The following FER variants were observed in gnomAD, a reference collection of about 807,000 sequenced individuals.
FER encodes the protein tyrosine-protein kinase Fer.
Under a neutral mutation model 111.0 loss-of-function variants are expected in FER, and 63 were observed. That is an observed-to-expected ratio of 0.57 (90% CI 0.46 to 0.70). FER has a LOEUF of 0.70. FER is among the 30% of genes least tolerant of loss of function. The pLI, the probability that FER is intolerant of heterozygous loss-of-function variation, is 0.00. For synonymous variants in FER, 327 were observed against 313.9 expected (o/e 1.04, Z -0.44); for missense variants, 914 against 954.0 (o/e 0.96, Z 0.55).
At chr5:108,985,571 C>T (rs1245504906) in intron 13 of FER, among the ~76,000 whole-genome samples, 1 of 152,060 alleles carries the variant, frequency 6.6e-6, no homozygotes, top group Non-Finnish European at 1.5e-5. Context: ...AGTGTGTAGT[C>T]TTATATCCCT....
intron 13 of FER, among the ~76,000 whole-genome samples, chr5:109,022,088 C>G (rs1339351432): frequency 6.6e-6 from 1 of 152,124 alleles, no homozygotes; most frequent in African/African-American, 2.4e-5. Flanking sequence ...ACCCTCCCTA[C>G]AGTTGAGGAG....
chr5:109,024,998 T>C (rs994621974), intron 13 of FER, among the ~76,000 whole-genome samples: 17 of 151,834 alleles, frequency 1.1e-4, no homozygotes, highest in South Asian at 2.1e-4. Context: ...TTGGTACCAG[T>C]ACCATGCTGT....
chr5:108,967,626 G>C (rs1304852386), intron 13 of FER, among the ~76,000 whole-genome samples: 2 of 151,954 alleles, frequency 1.3e-5, no homozygotes, highest in Non-Finnish European at 2.9e-5. Flanking sequence ...TGGGTGTGGT[G>C]GTGGGCACCT....
intron 13 of FER, among the ~76,000 whole-genome samples, chr5:109,020,441 A>C (rs1289351111): frequency 2.0e-5 from 3 of 151,984 alleles, no homozygotes; most frequent in Non-Finnish European, 2.9e-5. Context: ...TGAACAAATA[A>C]CATCCTTTTC....
chr5:109,034,324 C>A (rs973326795), intron 13 of FER, among the ~76,000 whole-genome samples: 4 of 152,108 alleles, frequency 2.6e-5, no homozygotes, highest in Non-Finnish European at 5.9e-5. Flanking sequence ...ACTTAGTCTG[C>A]CAATCCCTAA....
At chr5:108,942,952 C>A (rs1756474520) in intron 10 of FER, among the ~76,000 whole-genome samples, 1 of 152,088 alleles carries the variant, frequency 6.6e-6, no homozygotes, top group South Asian at 2.1e-4. Context: ...AAGTAGCTGG[C>A]TGTTCCTACA....
chr5:108,865,586 G>C (rs1375037723), intron 5 of FER, among the ~76,000 whole-genome samples: 1 of 152,082 alleles, frequency 6.6e-6, no homozygotes. Flanking sequence ...TGACAAACAG[G>C]ATCTAATTAA....
Position 109,187,769 on chromosome 5 carries a change from T to G in FER, c.*194T>G. On this transcript the variant is annotated 3_prime_UTR_variant, in exon 20 of 20. Coordinates refer to ENST00000281092, the MANE Select transcript of FER (RefSeq NM_005246.4). ...GCAAATTTGTTAAAGAAATAGGCAG[T>G]CCTACCAAGGGCTTTCTTAGCTAAC... 1 of 636,202 alleles carries G rather than the reference T, an allele frequency of 1.6e-6. No individual in the cohort carries two copies. The allele number at this position is 636,202 out of a possible 1,614,324, so 39.4% of individuals were successfully genotyped here.
At chr5:108,934,393 C>T (rs890405986) in intron 10 of FER, among the ~76,000 whole-genome samples, 14 of 151,986 alleles carry the variant, frequency 9.2e-5, no homozygotes, top group Admixed American at 4.6e-4. Flanking sequence ...TATATGACAG[C>T]GTTGTAAAAA....
At chr5:108,818,552 C>G (rs1758511719) in intron 3 of FER, among the ~76,000 whole-genome samples, 1 of 152,012 alleles carries the variant, frequency 6.6e-6, no homozygotes, top group South Asian at 2.1e-4. Flanking sequence ...GAAAAATGTT[C>G]TAAAATTTTA....
chr5:108,791,279 TC>T (rs1174023700), intron 2 of FER, among the ~76,000 whole-genome samples: 1 of 152,166 alleles, frequency 6.6e-6, no homozygotes, highest in African/African-American at 2.4e-5. Context: ...GGATGAAGAT[TC>T]CATTCTCTTC....
chr5:108,832,750 C>CT lies in FER; in HGVS notation c.208-4dup, dbSNP rs376837075. ...AAACCTTTAATGCAAATGTTTGTTT[C>CT]TTTTTTTTTTTTTTTTAAGTCTTGG... On this transcript the variant is annotated intron_variant, in intron 3 of 19. Coordinates refer to ENST00000281092, the MANE Select transcript of FER (RefSeq NM_005246.4). 0.12 allele frequency: 147,220 copies of CT among 1,256,750 alleles called. 818 individuals carry two copies. The highest frequency in any genetic ancestry group is 0.13 in the Middle Eastern group (619 of 4,664). 77.8% of individuals were successfully genotyped at this position (1,256,750 alleles called of 1,614,324 possible). A position where few individuals can be genotyped will look rare whatever the true frequency, so the allele number is the denominator to read the frequency against.
chr5:109,153,282 CATT>C (rs1755045032), intron 17 of FER, among the ~76,000 whole-genome samples: 1 of 151,620 alleles, frequency 6.6e-6, no homozygotes, highest in African/African-American at 2.4e-5. Context: ...TGATCAATCA[CATT>C]ATCCATCAAT....
intron 13 of FER, among the ~76,000 whole-genome samples, chr5:108,969,003 A>C (rs1312615513): frequency 6.6e-6 from 1 of 152,100 alleles, no homozygotes; most frequent in Non-Finnish European, 1.5e-5. Flanking sequence ...GATTAGCATA[A>C]ATTTAAAATT....
chr5:108,874,717 A>G (rs1764918400), intron 8 of FER, among the ~76,000 whole-genome samples: 1 of 151,792 alleles, frequency 6.6e-6, no homozygotes, highest in African/African-American at 2.4e-5. Flanking sequence ...TTGTAATATT[A>G]TTCTAATAGA....
chr5:108,783,475 C>T (rs1255869593), intron 2 of FER, among the ~76,000 whole-genome samples: 1 of 152,112 alleles, frequency 6.6e-6, no homozygotes, highest in African/African-American at 2.4e-5. Context: ...TGTCTTCTCT[C>T]ATTCAAGTTA....
chr5:109,132,740 G>A (rs954461680), intron 17 of FER, among the ~76,000 whole-genome samples: 7 of 152,134 alleles, frequency 4.6e-5, no homozygotes, highest in African/African-American at 1.7e-4. Context: ...TATACTGACT[G>A]AAAAAGAATG....
intron 1 of FER, among the ~76,000 whole-genome samples, chr5:108,756,425 G>A (rs1382249529): frequency 6.6e-6 from 1 of 151,744 alleles, no homozygotes; most frequent in African/African-American, 2.4e-5. Flanking sequence ...AGTCACTATC[G>A]CATTTCCTGA....
intron 17 of FER, among the ~76,000 whole-genome samples, chr5:109,124,587 TTTGTTGTTGTTGTTGTTG>T (rs148987260): frequency 6.7e-6 from 1 of 150,070 alleles, no homozygotes; most frequent in African/African-American, 2.5e-5. Context: ...TTTTAATAGT[TTTGTTGTTGTTGTTGTTG>T]TTGTTGTTGT....
Sources: gnomAD v4.1 joint callset for allele counts (sites outside exome capture counted in the v4.1 genomes callset) on GRCh38, gnomAD v4.1.1 for gene constraint, MANE v1.5 for transcripts, NCBI Gene and HGNC (gene_info 2026-07-23, HGNC 2026-07-21) for gene names.